RPS6KC1: variants seen among roughly 807,000 people sequenced by gnomAD.
RPS6KC1 encodes the protein inactive ribosomal protein S6 kinase delta-1.
A neutral mutation model predicts 103.8 loss-of-function variants in RPS6KC1; 54 were observed. The ratio of observed to expected loss-of-function variants is 0.52; its 90% CI spans 0.42 to 0.65. RPS6KC1 has a LOEUF of 0.65. RPS6KC1 is among the 30% of genes least tolerant of loss of function. The probability of loss-of-function intolerance (pLI) is 0.00; values close to 1 mark genes in which losing one functional copy is unlikely to be tolerated. For missense variants in RPS6KC1, 1,151 were observed against 1,253.8 expected, an observed-to-expected ratio of 0.92 and a Z score of 1.24; for synonymous variants, 439 against 438.7, an observed-to-expected ratio of 1.00 and a Z score of -0.01.
downstream of RPS6KC1, among the ~76,000 whole-genome samples, chr1:213,275,739 A>T (rs1214322030): frequency 6.6e-6 from 1 of 151,956 alleles, no homozygotes; most frequent in African/African-American, 2.4e-5. Context: ...TTTAAAATCC[A>T]CTCTTTTAGC....
the RPS6KC1 span, among the ~76,000 whole-genome samples, chr1:213,337,504 G>T: frequency 6.6e-6 from 1 of 152,168 alleles, no homozygotes; most frequent in African/African-American, 2.4e-5. Context: ...CACTCTGTTT[G>T]CTTCTGGAGG....
intron 1 of RPS6KC1, among the ~76,000 whole-genome samples, chr1:213,062,543 G>A (rs762907789): frequency 6.6e-6 from 1 of 152,004 alleles, no homozygotes; most frequent in Non-Finnish European, 1.5e-5. Flanking sequence ...GTGATAATCA[G>A]ATAAGAGAGT....
At chr1:213,321,333 C>T in the RPS6KC1 span, among the ~76,000 whole-genome samples, 1 of 152,268 alleles carries the variant, frequency 6.6e-6, no homozygotes, top group Admixed American at 6.5e-5. Context: ...TTTTGTTGCT[C>T]CTTGAGGTGT....
the RPS6KC1 span, among the ~76,000 whole-genome samples, chr1:213,663,582 G>A: frequency 2.0e-5 from 3 of 152,280 alleles, no homozygotes; most frequent in South Asian, 6.2e-4. Context: ...TGAATATGAA[G>A]CATCCCTTGT....
chr1:213,364,610 CA>C, the RPS6KC1 span, among the ~76,000 whole-genome samples: 1 of 151,946 alleles, frequency 6.6e-6, no homozygotes, highest in East Asian at 1.9e-4. Context: ...AAGAGATGAC[CA>C]GGGGGTGCCC....
At chr1:213,786,619 C>T in the RPS6KC1 span, among the ~76,000 whole-genome samples, 4 of 152,168 alleles carry the variant, frequency 2.6e-5, no homozygotes, top group Non-Finnish European at 5.9e-5. Context: ...ATTAGAAGAA[C>T]AGCTAAAAGG....
chr1:213,063,055 C>G (rs1168167736), intron 1 of RPS6KC1, among the ~76,000 whole-genome samples: 1 of 152,148 alleles, frequency 6.6e-6, no homozygotes, highest in Admixed American at 6.5e-5. Context: ...TGGGTCTTTT[C>G]TTTGTTTTTA....
chr1:213,157,045 A>G (rs1467778103), intron 6 of RPS6KC1, among the ~76,000 whole-genome samples: 3 of 152,178 alleles, frequency 2.0e-5, no homozygotes, highest in Non-Finnish European at 4.4e-5. Flanking sequence ...GTTTAAAACT[A>G]TTAGTGTCCC....
intron 10 of RPS6KC1, among the ~76,000 whole-genome samples, chr1:213,232,468 A>C (rs1263212441): frequency 1.3e-5 from 2 of 152,210 alleles, no homozygotes; most frequent in African/African-American, 4.8e-5. Context: ...TACCATTTGT[A>C]GATTTACTTC....
chr1:213,804,511 G>A, the RPS6KC1 span, among the ~76,000 whole-genome samples: 1 of 152,128 alleles, frequency 6.6e-6, no homozygotes, highest in Admixed American at 6.5e-5. Context: ...CTGCTGCAAG[G>A]CTTGCTCAGT....
At chr1:213,787,159 A>G in the RPS6KC1 span, among the ~76,000 whole-genome samples, 3 of 152,168 alleles carry the variant, frequency 2.0e-5, no homozygotes, top group African/African-American at 7.2e-5. Context: ...TTATTCATTC[A>G]TAAGTATTAT....
intron 5 of RPS6KC1, among the ~76,000 whole-genome samples, chr1:213,124,600 T>C (rs1243060885): frequency 6.6e-6 from 1 of 152,166 alleles, no homozygotes; most frequent in Non-Finnish European, 1.5e-5. Flanking sequence ...GTTAAGTATA[T>C]AATATAAATA....
chr1:213,131,566 C>T (rs2085624235), intron 6 of RPS6KC1, among the ~76,000 whole-genome samples: 2 of 152,064 alleles, frequency 1.3e-5, no homozygotes, highest in South Asian at 2.1e-4. Context: ...GCCTCAGCCT[C>T]CCTAGTAGCT....
the RPS6KC1 span, among the ~76,000 whole-genome samples, chr1:213,409,565 GA>G: frequency 1.3e-5 from 2 of 152,198 alleles, no homozygotes; most frequent in Admixed American, 1.3e-4. Context: ...GTGGTTGAAA[GA>G]AAAGGAACAC....
At position 213,167,851 on chromosome 1, in the gene RPS6KC1, T is replaced by A; in HGVS notation, c.836-7T>A. 1 of 1,588,350 alleles carries A rather than the reference T, an allele frequency of 6.3e-7. No homozygotes were observed. The highest frequency in any genetic ancestry group is 8.6e-7 in the Non-Finnish European group (1 of 1,169,394). On this transcript the variant is annotated splice_region_variant and splice_polypyrimidine_tract_variant and intron_variant, in intron 6 of 14. Transcript: ENST00000366960. ...TATTTTTTACATGTCCAGACTTTTT[T>A]TTTTAGGAGAGTCAAGCCCTACCCG... is the stretch of plus-strand genomic sequence containing the variant.
chr1:213,594,758 G>C, the RPS6KC1 span, among the ~76,000 whole-genome samples: 1 of 152,220 alleles, frequency 6.6e-6, no homozygotes, highest in African/African-American at 2.4e-5. Context: ...CATGGAGTCT[G>C]CTGTGGTAGA....
chr1:213,687,681 A>G, the RPS6KC1 span, among the ~76,000 whole-genome samples: 2 of 152,180 alleles, frequency 1.3e-5, no homozygotes, highest in Non-Finnish European at 2.9e-5. Context: ...GGACTTTACA[A>G]TCTAGCAGGA....
intron 6 of RPS6KC1, among the ~76,000 whole-genome samples, chr1:213,160,488 G>A (rs1248502321): frequency 3.3e-5 from 5 of 152,180 alleles, no homozygotes; most frequent in African/African-American, 9.6e-5. Flanking sequence ...CTACACGGAT[G>A]ATGAAGACCA....
At chr1:213,271,169 G>C (rs1013289736) in intron 14 of RPS6KC1, among the ~76,000 whole-genome samples, 4 of 152,166 alleles carry the variant, frequency 2.6e-5, no homozygotes, top group Non-Finnish European at 5.9e-5. Flanking sequence ...CCCCAAACTG[G>C]AAAGTCTAAG....
Sources: gnomAD v4.1 joint callset for allele counts (sites outside exome capture counted in the v4.1 genomes callset) on GRCh38, gnomAD v4.1.1 for gene constraint, MANE v1.5 for transcripts, NCBI Gene and HGNC (gene_info 2026-07-23, HGNC 2026-07-21) for gene names.